Variants in IMPACT observed in about 807,000 individuals in gnomAD.
The protein encoded by IMPACT is protein IMPACT.
In IMPACT, 35 loss-of-function variants were observed where a neutral mutation model predicts 47.5. The ratio of observed to expected loss-of-function variants is 0.74; its 90% CI spans 0.56 to 0.98. The LOEUF (loss-of-function observed/expected upper bound fraction) is 0.98. IMPACT is among the 50% of genes least tolerant of loss of function. The pLI is 0.00. For synonymous variants in IMPACT, 118 were observed against 125.6 expected (o/e 0.94, Z 0.40); for missense variants, 373 against 394.8 (o/e 0.94, Z 0.47).
intron 4 of IMPACT, among the ~76,000 whole-genome samples, chr18:24,434,647 C>T (rs1428222129): frequency 6.6e-6 from 1 of 151,388 alleles, no homozygotes; most frequent in Non-Finnish European, 1.5e-5. Context: ...CCTGTAATCC[C>T]AGCTACTTGG....
rs772483311 is a variant in IMPACT at position 24,443,156 on chromosome 18, A to G, written c.594+4A>G. The G allele has an allele frequency of 2.0e-6, 3 of 1,495,776 alleles. No homozygotes were observed. In the African/African-American group the frequency reaches 4.2e-5, roughly 21 times the overall value. The allele number at this position is 1,495,776 out of a possible 1,614,324, so 92.7% of individuals were successfully genotyped here. On this transcript the variant is annotated splice_donor_region_variant and intron_variant, in intron 7 of 10. Coordinates refer to ENST00000284202, the MANE Select transcript of IMPACT (RefSeq NM_018439.4). Reference sequence around the variant, plus strand: ...TCCAGTGGTTTGTCCCAAACAGGTAAAGTTCCTTTGTCTAGCTCACTTTGA... The same window carrying G: ...TCCAGTGGTTTGTCCCAAACAGGTAGAGTTCCTTTGTCTAGCTCACTTTGA...
chr18:24,432,730 A>G (rs1331959256), intron 4 of IMPACT, among the ~76,000 whole-genome samples: 1 of 151,572 alleles, frequency 6.6e-6, no homozygotes, highest in Non-Finnish European at 1.5e-5. Flanking sequence ...TAAGATCAGT[A>G]TACTGTGGAT....
chr18:24,436,098 G>C (rs1023558933), intron 4 of IMPACT, among the ~76,000 whole-genome samples: 2 of 152,146 alleles, frequency 1.3e-5, no homozygotes, highest in Non-Finnish European at 2.9e-5. Context: ...GTTTAGTCGA[G>C]CTGAGGTTAA....
intron 5 of IMPACT, chr18:24,439,761 G>A (rs1227709416): frequency 6.5e-6 from 1 of 152,712 alleles, no homozygotes; most frequent in Non-Finnish European, 1.5e-5. Flanking sequence ...GCAGCGAGCT[G>A]AGATGGTGCC....
intron 8 of IMPACT, among the ~76,000 whole-genome samples, chr18:24,447,039 G>C (rs1248418600): frequency 6.6e-6 from 1 of 152,086 alleles, no homozygotes; most frequent in African/African-American, 2.4e-5. Context: ...CTATGGCTGT[G>C]GCTACAGCTT....
chr18:24,447,285 G>T (rs1909271620), intron 8 of IMPACT, among the ~76,000 whole-genome samples: 2 of 152,016 alleles, frequency 1.3e-5, no homozygotes, highest in Admixed American at 1.3e-4. Context: ...GCTTTTTATG[G>T]CCAGAGCTGG....
At chr18:24,429,157 G>C (rs908982648) in intron 3 of IMPACT, among the ~76,000 whole-genome samples, 1 of 152,186 alleles carries the variant, frequency 6.6e-6, no homozygotes, top group Non-Finnish European at 1.5e-5. Flanking sequence ...AGTAGGTACA[G>C]AATTGTCTTT....
At chr18:24,433,345 G>A (rs527530767) in intron 4 of IMPACT, among the ~76,000 whole-genome samples, 6,762 of 148,626 alleles carry the variant, frequency 0.045, 203 homozygotes, top group Non-Finnish European at 0.07. Context: ...GACTACAGGC[G>A]CCCGCCACCG....
At chr18:24,444,204 A>C (rs1045687884) in intron 7 of IMPACT, among the ~76,000 whole-genome samples, 1 of 152,144 alleles carries the variant, frequency 6.6e-6, no homozygotes, top group Admixed American at 6.5e-5. Context: ...GAGACATTCT[A>C]ATTCTGAATC....
chr18:24,432,627 C>T (rs780990447), intron 4 of IMPACT, among the ~76,000 whole-genome samples: 3 of 152,166 alleles, frequency 2.0e-5, no homozygotes, highest in Non-Finnish European at 2.9e-5. Context: ...CCTAACATTA[C>T]TGGCCACTCC....
At chr18:24,432,083 C>T (rs1237695128) in intron 4 of IMPACT, among the ~76,000 whole-genome samples, 6 of 152,116 alleles carry the variant, frequency 3.9e-5, no homozygotes, top group Non-Finnish European at 8.8e-5. Flanking sequence ...AACTCCTGGC[C>T]TCAAGCAGTT....
rs543022008 is a variant in IMPACT at position 24,440,537 on chromosome 18, T to G, written c.409T>G (p.Cys137Gly). 1.2e-6 allele frequency: 2 copies of G among 1,613,314 alleles called. No homozygotes were observed. The highest frequency in any genetic ancestry group is 2.2e-5 in the East Asian group (1 of 44,878). Reference protein sequence around the residue: ...KKKTEEEDVECEDDLILACQP... With the variant: ...KKKTEEEDVEGEDDLILACQP... The stretch of plus-strand genomic sequence containing the variant: ...GAAAACTGAAGAGGAAGATGTTGAA[T>G]GTGAAGATGATCTCATTTTAGCATG... Residue 137 changes from cysteine to glycine, a missense_variant, in exon 6 of 11, where the codon TGT (cysteine) becomes GGT (glycine). Transcript: ENST00000284202.
In IMPACT at chr18:24,448,081, A is replaced by G. The variant is rs748700753; in HGVS notation, c.669-12A>G. On this transcript the variant is annotated splice_polypyrimidine_tract_variant and intron_variant, in intron 8 of 10. Coordinates refer to ENST00000284202, the MANE Select transcript of IMPACT (RefSeq NM_018439.4). ...TAGTTTCAAAGTGTAATACTCTTAC[A>G]TGTATTTGCAGAATATATTGTGAGG... 6.6e-7 allele frequency: 1 copy of G among 1,521,324 alleles called. No homozygotes were observed. Among genetic ancestry groups the G allele is most frequent in the Non-Finnish European group, 9.1e-7 (1 of 1,096,092 alleles). 94.2% of individuals were successfully genotyped at this position (1,521,324 alleles called of 1,614,324 possible). A position where few individuals can be genotyped will look rare whatever the true frequency, so the allele number is the denominator to read the frequency against.
intron 4 of IMPACT, among the ~76,000 whole-genome samples, chr18:24,430,774 C>G (rs1014471764): frequency 1.3e-5 from 2 of 152,036 alleles, no homozygotes; most frequent in Non-Finnish European, 1.5e-5. Flanking sequence ...CTAAAAGGAT[C>G]TTAATGAAAA....
At chr18:24,444,756 A>G (rs949799364) in intron 7 of IMPACT, among the ~76,000 whole-genome samples, 2 of 152,182 alleles carry the variant, frequency 1.3e-5, no homozygotes, top group Non-Finnish European at 2.9e-5. Flanking sequence ...ATTGCATGGG[A>G]TGTACTTATA....
chr18:24,436,540 T>G (rs1430886236), intron 4 of IMPACT, among the ~76,000 whole-genome samples: 6 of 151,756 alleles, frequency 4.0e-5, no homozygotes, highest in South Asian at 2.1e-4. Context: ...GGCCTGTTTT[T>G]TTTTGTTTTG....
chr18:24,431,121 A>G lies in IMPACT; in HGVS notation c.281+737A>G, dbSNP rs1054591737. 1.7e-4 allele frequency among the ~76,000 whole-genome samples: 26 copies of G among 152,312 alleles called. No individual in the cohort carries two copies. In the South Asian group the frequency reaches 1.9e-3, roughly 11 times the overall value. ...GTGTGGCAGAGATATTACTTATAAT[A>G]TTGTAAAAATGAATATAACAATAGC... On this transcript the variant is annotated intron_variant, in intron 4 of 10. Transcript: ENST00000284202.
chr18:24,440,997 T>C (rs1004728382), intron 6 of IMPACT, among the ~76,000 whole-genome samples: 5 of 152,246 alleles, frequency 3.3e-5, no homozygotes, highest in African/African-American at 1.2e-4. Flanking sequence ...CAAATACAAA[T>C]ATATTAACTG....
Position 24,443,570 on chromosome 18 carries a change from A to G in IMPACT, c.594+418A>G, listed in dbSNP as rs115728367. ...GAAATACCCATTGTGTTATTAGAGA[A>G]AATTATGATGCTTAATACCTTGTCA... On this transcript the variant is annotated intron_variant, in intron 7 of 10. Coordinates refer to ENST00000284202, the MANE Select transcript of IMPACT (RefSeq NM_018439.4). Among the ~76,000 whole-genome samples the G allele has an allele frequency of 6.9e-3, 1,057 of 152,334 alleles. 17 individuals are homozygous for G. The highest frequency in any genetic ancestry group is 0.024 in the African/African-American group (980 of 41,570).
Sources: allele counts gnomAD v4.1 joint callset (sites outside exome capture counted in the v4.1 genomes callset), GRCh38; gene constraint gnomAD v4.1.1; transcripts MANE v1.5; gene names NCBI Gene and HGNC (gene_info 2026-07-23, HGNC 2026-07-21).